The following MYO15A variants were observed in gnomAD, a reference collection of about 807,000 sequenced individuals.
The protein encoded by MYO15A is unconventional myosin-XV.
A neutral mutation model predicts 394.6 loss-of-function variants in MYO15A; 308 were observed. That is an observed-to-expected ratio of 0.78 (90% CI 0.71 to 0.86). The LOEUF is 0.86. MYO15A is among the 40% of genes least tolerant of loss of function. The pLI, the probability that MYO15A is intolerant of heterozygous loss-of-function variation, is 0.00. For synonymous variants in MYO15A, 1,957 were observed against 2,003.8 expected (o/e 0.98, Z 0.62); for missense variants, 4,606 against 4,799.1 (o/e 0.96, Z 1.19).
At chr17:18,126,517 A>G in intron 5 of MYO15A, 61 bp downstream of exon 5, 2 of 1,500,860 alleles carry the variant, frequency 1.3e-6, no homozygotes, top group Non-Finnish European at 1.8e-6. Context: ...CTGCTCTGGG[A>G]GCCTGGATCC....
intron 65 of MYO15A, chr17:18,178,403 C>T: frequency 5.1e-6 from 2 of 393,498 alleles, no homozygotes; most frequent in Non-Finnish European, 9.7e-6. Flanking sequence ...TGCAATAAAG[C>T]CTCACTGAAT....
Position 18,162,607 on chromosome 17 carries a change from G to A in MYO15A, c.9540G>A (p.Gln3180=). 1.9e-6 allele frequency: 3 copies of A among 1,614,098 alleles called. No individual in the cohort carries two copies. The highest frequency in any genetic ancestry group is 2.5e-6 in the Non-Finnish European group (3 of 1,179,984). ...PFQGIAKACE[Q]NLQKTLRFGG... ...CAGGGATCGCCAAGGCCTGCGAGCA[G>A]AACCTGCAGAAAACCTTGCGCTTCG... Residue 3180 remains glutamine (Q), a synonymous_variant, in exon 58 of 66, where the codon CAG becomes CAA. Coordinates refer to ENST00000647165, the MANE Select transcript of MYO15A (RefSeq NM_016239.4).
Position 18,119,197 on chromosome 17 carries a change from G to A in MYO15A, c.397G>A (p.Ala133Thr), listed in dbSNP as rs2045848739. ...RARSLSKAST[A>T]INWLTKKFLL... Reference sequence around the variant, plus strand: ...CCGGTCACTCAGCAAAGCGTCCACGGCCATCAACTGGCTCACAAAAAAGTT... The same window carrying A: ...CCGGTCACTCAGCAAAGCGTCCACGACCATCAACTGGCTCACAAAAAAGTT... The change falls in exon 2 of 66, where the codon GCC becomes ACC. Residue 133 changes from alanine (A) to threonine (T), a missense_variant. Transcript: ENST00000647165. The A allele has an allele frequency of 6.2e-7, 1 of 1,612,538 alleles. No homozygotes were observed.
Position 18,157,861 on chromosome 17 carries a change from C to T in MYO15A, c.8928C>T (p.Ala2976=). 8 of 1,548,344 alleles carry T rather than the reference C, an allele frequency of 5.2e-6. No homozygotes were observed. The highest frequency in any genetic ancestry group is 6.9e-6 in the Non-Finnish European group (8 of 1,151,150). The stretch of plus-strand genomic sequence containing the variant: ...CAGCCGCCGTGGCCGCTGCTGTGGC[C>T]TCTGCAGCCGCTGCACAGGAGGTGG... ...GRAAAVAAAV[A]SAAAAQEVGR... The change falls in exon 51 of 66, where the codon GCC becomes GCT. Residue 2976 remains alanine, a synonymous_variant. Transcript: ENST00000647165.
rs141475629 is a variant in MYO15A, at chr17:18,144,505, C to A, written c.6186C>A (p.Ala2062=). The A allele has an allele frequency of 1.3e-3, 2,099 of 1,613,414 alleles. 4 individuals are homozygous for A. Among genetic ancestry groups the A allele is most frequent in the Middle Eastern group, 0.01 (63 of 6,058 alleles). The part of the protein sequence containing the change: ...KFVQCHFKEP[A]FGMLTVPLRT... ...CCTGCCCTGTGTCTTAGGAACCTGCCTTTGGGATGCTGACAGTGCCCCTGA... is the reference window on the plus strand; with the variant it reads ...CCTGCCCTGTGTCTTAGGAACCTGCATTTGGGATGCTGACAGTGCCCCTGA... Residue 2062 remains alanine (A), a synonymous_variant, in exon 29 of 66, where the codon GCC becomes GCA. Transcript: ENST00000647165.
chr17:18,160,286 A>G (rs2046756661), intron 56 of MYO15A, among the ~76,000 whole-genome samples: 2 of 152,232 alleles, frequency 1.3e-5, no homozygotes, highest in Admixed American at 6.5e-5. Context: ...ACCCAACTCA[A>G]TCTGGTTTAG....
intron 65 of MYO15A, among the ~76,000 whole-genome samples, chr17:18,174,558 T>A (rs1366469830): frequency 1.3e-5 from 2 of 152,166 alleles, no homozygotes. Context: ...TGCAGTGAGC[T>A]GTGATGGTGC....
At chr17:18,125,479 G>A in intron 4 of MYO15A, 1 of 514,374 alleles carries the variant, frequency 1.9e-6, no homozygotes, top group Non-Finnish European at 3.5e-6. Context: ...TGGATCACGA[G>A]GTCAAGAGAT....
In MYO15A at chr17:18,118,725, A is replaced by C. The variant is rs854818; in HGVS notation, c.-76A>C. 595,822 of 1,597,042 alleles carry C rather than the reference A, an allele frequency of 0.37. 124,247 individuals are homozygous for C. The highest frequency in any genetic ancestry group is 0.7 in the South Asian group (61,787 of 88,310). ...GCGTGTCCAGCCGCGGGCAAGAGAC[A>C]GAGCAGGTCCCTGTGTCTCCAAGTC... On this transcript the variant is annotated 5_prime_UTR_variant, in exon 2 of 66. Transcript: ENST00000647165.
intron 13 of MYO15A, among the ~76,000 whole-genome samples, chr17:18,136,167 C>T (rs1487081077): frequency 2.0e-5 from 3 of 152,178 alleles, no homozygotes; most frequent in Non-Finnish European, 4.4e-5. Flanking sequence ...ATTCTCCCTT[C>T]CCAGGGTTGA....
intron 61 of MYO15A, 21 bp downstream of exon 61, chr17:18,166,542 C>G: frequency 6.2e-7 from 1 of 1,610,268 alleles, no homozygotes; most frequent in African/African-American, 1.3e-5. Context: ...GTAGGCTTCT[C>G]TGGACTCTGG....
chr17:18,154,187 G>A lies in MYO15A; in HGVS notation c.8145G>A (p.Arg2715=). The A allele has an allele frequency of 6.2e-7, 1 of 1,614,020 alleles. No homozygotes were observed. The highest frequency in any genetic ancestry group is 8.5e-7 in the Non-Finnish European group (1 of 1,180,030). ...SHPVQLDLLF[R]QILHDTLSEA... ...CTGTGCAGCTTGACCTCCTGTTCCG[G>A]CAGGTGAGGTCCTGTCTCCCCTTTC... Residue 2715 remains arginine (R), a synonymous_variant, in exon 44 of 66, where the codon CGG becomes CGA. Coordinates refer to ENST00000647165, the MANE Select transcript of MYO15A (RefSeq NM_016239.4).
rs2046945163 is a variant in MYO15A, at chr17:18,171,769, T to C, written c.10214T>C (p.Leu3405Pro). The change falls in exon 63 of 66, where the codon CTG becomes CCG. Residue 3405 changes from leucine to proline, a missense_variant and splice_region_variant. By Grantham distance (98) the Leu-to-Pro change is moderately conservative. This residue lies in a region of MYO15A where 2,776 missense variants were observed against 3,109.3 expected (regional missense o/e 0.89). Transcript: ENST00000647165. ...LSPHQARAQF[L>P]GLLSALPMFG... ...CCCCACCAGGCCCGTGCCCAGTTTC[T>C]GGGTAAGAGCTGCAGGGCAGGGGAG... 1.2e-6 allele frequency: 2 copies of C among 1,608,648 alleles called. No homozygotes were observed.
rs2046507449 is a variant in MYO15A, at chr17:18,147,907, C to T, written c.6510-122C>T. 10 of 1,266,942 alleles carry T rather than the reference C, an allele frequency of 7.9e-6. No homozygotes were observed. In the Middle Eastern group the frequency reaches 9.9e-4, roughly 125 times the overall value. 78.5% of individuals were successfully genotyped at this position (1,266,942 alleles called of 1,614,324 possible). A position where few individuals can be genotyped will look rare whatever the true frequency, so the allele number is the denominator to read the frequency against. ...GAGCCTTTTTAGCCTCACCTTGGAG[C>T]TCTGGAGTAGCCTGGGCCTTTCTCA... On this transcript the variant is annotated intron_variant, in intron 30 of 65. Transcript: ENST00000647165. This position sits in a 1 kb window ranked among gnomAD's most constrained non-coding sequence, Gnocchi z 4.4.
intron 7 of MYO15A, among the ~76,000 whole-genome samples, chr17:18,127,849 A>ATATATC (rs1335671642): frequency 8.8e-5 from 13 of 147,698 alleles, no homozygotes; most frequent in Non-Finnish European, 1.8e-4. Flanking sequence ...ATATATATAT[A>ATATATC]TATATATATA....
intron 8 of MYO15A, 38 bp downstream of exon 8, chr17:18,130,848 G>GTGTGTT: frequency 1.3e-6 from 2 of 1,551,400 alleles, no homozygotes; most frequent in Non-Finnish European, 1.8e-6. Flanking sequence ...GTGTGTGTGT[G>GTGTGTT]TGTGTGTGTG....
chr17:18,156,856 T>C (rs2046683163), intron 48 of MYO15A, 98 bp from the exon 49 acceptor site: 17 of 1,084,606 alleles, frequency 1.6e-5, no homozygotes, highest in Non-Finnish European at 2.1e-5. Flanking sequence ...CTCCCTTCCC[T>C]GATGAGTCAG....
In MYO15A at chr17:18,158,594, C is replaced by A; in HGVS notation, c.9039C>A (p.Leu3013=). 9 of 1,614,184 alleles carry A rather than the reference C, an allele frequency of 5.6e-6. No homozygotes were observed. Among genetic ancestry groups the A allele is most frequent in the Non-Finnish European group, 7.6e-6 (9 of 1,180,018 alleles). The change falls in exon 52 of 66, where the codon CTC becomes CTA. Residue 3013 remains leucine (L), a synonymous_variant. Transcript: ENST00000647165. ...TGGCGCTCCCACCCTACACAATGCT[C>A]GAGTTTGCCCAGAAGTATTTCCGAG... The part of the protein sequence containing the change: ...DALALPPYTM[L]EFAQKYFRDP...
chr17:18,125,875 A>T (rs1422704879), intron 4 of MYO15A, among the ~76,000 whole-genome samples: 1 of 152,260 alleles, frequency 6.6e-6, no homozygotes, highest in South Asian at 2.1e-4. Context: ...GGATGGCCAG[A>T]GGGGTCAGAG....
Sources: allele counts gnomAD v4.1 joint callset (sites outside exome capture counted in the v4.1 genomes callset), GRCh38; gene constraint gnomAD v4.1.1; regional missense constraint gnomAD v4.1.1; non-coding constraint Gnocchi (gnomAD v3.1); transcripts MANE v1.5; gene names NCBI Gene and HGNC (gene_info 2026-07-23, HGNC 2026-07-21).